FAXC: variants seen among roughly 807,000 people sequenced by gnomAD.
The protein encoded by FAXC is failed axon connections homolog, metaxin like GST domain containing.
FAXC carries 10 observed loss-of-function variants against 41.9 expected under a neutral mutation model. The observed-to-expected ratio is 0.24, with a 90% confidence interval of 0.15 to 0.41. The LOEUF is 0.41. Ranked by LOEUF, FAXC falls within the 10% of genes least tolerant of loss-of-function variation. FAXC has a pLI of 1.00. For synonymous variants in FAXC, 183 were observed against 183.8 expected (o/e 1.00, Z 0.03); for missense variants, 399 against 510.9 (o/e 0.78, Z 2.11).
chr6:99,311,254 G>A (rs1421767643), intron 4 of FAXC, among the ~76,000 whole-genome samples: 1 of 152,124 alleles, frequency 6.6e-6, no homozygotes, highest in African/African-American at 2.4e-5. Flanking sequence ...CTTATAAAAT[G>A]ACTCTACTCT....
intron 4 of FAXC, among the ~76,000 whole-genome samples, chr6:99,301,434 T>C (rs988519147): frequency 2.6e-5 from 4 of 152,208 alleles, no homozygotes; most frequent in Admixed American, 2.0e-4. Flanking sequence ...AAACATCTCA[T>C]GTACCTCATA....
chr6:99,319,193 C>T (rs981993383), intron 4 of FAXC, among the ~76,000 whole-genome samples: 15 of 152,136 alleles, frequency 9.9e-5, no homozygotes, highest in Middle Eastern at 6.8e-3. Context: ...GTCGAGAGAT[C>T]GAGACCATCC....
intron 5 of FAXC, among the ~76,000 whole-genome samples, chr6:99,288,616 AT>A (rs905271484): frequency 2.0e-5 from 3 of 152,218 alleles, no homozygotes; most frequent in African/African-American, 7.2e-5. Context: ...GTTCCAATGT[AT>A]TGCAAAACAA....
At chr6:99,335,539 C>T (rs192208507) in intron 2 of FAXC, among the ~76,000 whole-genome samples, 44 of 152,312 alleles carry the variant, frequency 2.9e-4, no homozygotes, top group African/African-American at 1.0e-3. Context: ...AAGTTTTAGG[C>T]TATCAGCAAA....
chr6:99,324,823 T>C (rs1377419626), intron 3 of FAXC, among the ~76,000 whole-genome samples: 1 of 152,148 alleles, frequency 6.6e-6, no homozygotes, highest in Non-Finnish European at 1.5e-5. Context: ...TAATGAGTAA[T>C]AAAAGATGTA....
chr6:99,315,422 T>C (rs1582656677), intron 4 of FAXC, among the ~76,000 whole-genome samples: 1 of 152,016 alleles, frequency 6.6e-6, no homozygotes, highest in Non-Finnish European at 1.5e-5. Context: ...TTACCTGCAA[T>C]ATCTCCCTCA....
rs1770735669 is a variant in FAXC, at chr6:99,279,213, T to A, written c.*1951A>T. 6.6e-6 allele frequency: 1 copy of A among 152,148 alleles called. No individual in the cohort carries two copies. The highest frequency in any genetic ancestry group is 2.4e-5 in the African/African-American group (1 of 41,434). The allele number at this position is 152,148 out of a possible 1,614,324, so 9.4% of individuals were successfully genotyped here. On this transcript the variant is annotated 3_prime_UTR_variant, in exon 6 of 6. Coordinates refer to ENST00000389677, the MANE Select transcript of FAXC (RefSeq NM_032511.4). The stretch of plus-strand genomic sequence containing the variant: ...AACAGGCTTATCCATTCATATCTTC[T>A]CCACCACATTCTTATTAGGCATCAA...
intron 4 of FAXC, among the ~76,000 whole-genome samples, chr6:99,311,210 C>T (rs980447616): frequency 3.9e-5 from 6 of 152,156 alleles, no homozygotes; most frequent in African/African-American, 1.4e-4. Context: ...TCGAGACAAC[C>T]AATCTCTACT....
chr6:99,281,549 C>T (rs1770837147), intron 5 of FAXC, 96 bp from the exon 6 acceptor site: 2 of 989,636 alleles, frequency 2.0e-6, no homozygotes, highest in African/African-American at 3.2e-5. Context: ...TGTTGAAATC[C>T]TGACTCCCAA....
intron 5 of FAXC, among the ~76,000 whole-genome samples, chr6:99,287,195 T>C (rs866862147): frequency 4.6e-5 from 7 of 152,192 alleles, no homozygotes; most frequent in South Asian, 2.1e-4. Flanking sequence ...GAATATTTCA[T>C]GACAAGGGAA....
At chr6:99,313,843 CA>C (rs1772235835) in intron 4 of FAXC, among the ~76,000 whole-genome samples, 1 of 152,196 alleles carries the variant, frequency 6.6e-6, no homozygotes, top group South Asian at 2.1e-4. Context: ...CTGCCTTTAT[CA>C]TATACTGCAT....
At chr6:99,317,341 A>C (rs1364948537) in intron 4 of FAXC, among the ~76,000 whole-genome samples, 2 of 152,190 alleles carry the variant, frequency 1.3e-5, no homozygotes, top group Non-Finnish European at 1.5e-5. Context: ...AGGATCTCTA[A>C]ATCAGTGATA....
chr6:99,319,692 G>A (rs1283421644), intron 4 of FAXC, among the ~76,000 whole-genome samples: 2 of 152,138 alleles, frequency 1.3e-5, no homozygotes, highest in African/African-American at 4.8e-5. Flanking sequence ...AATGAAGAAC[G>A]AAGGTACACC....
intron 5 of FAXC, among the ~76,000 whole-genome samples, chr6:99,286,391 C>T (rs1478786263): frequency 1.3e-5 from 2 of 152,208 alleles, no homozygotes; most frequent in Admixed American, 1.3e-4. Flanking sequence ...CTGAACACTT[C>T]CCTCCAGATG....
intron 2 of FAXC, among the ~76,000 whole-genome samples, chr6:99,335,186 C>G (rs1324082771): frequency 6.6e-6 from 1 of 152,176 alleles, no homozygotes; most frequent in Non-Finnish European, 1.5e-5. Context: ...ACCCTTTCCC[C>G]TGATAACTTG....
At chr6:99,347,288 G>A (rs993658499) in intron 1 of FAXC, among the ~76,000 whole-genome samples, 2 of 151,792 alleles carry the variant, frequency 1.3e-5, no homozygotes, top group African/African-American at 4.8e-5. Flanking sequence ...TGTAATCCCA[G>A]CTACTCAGGA....
intron 4 of FAXC, among the ~76,000 whole-genome samples, chr6:99,312,337 T>A (rs1032610760): frequency 6.6e-6 from 1 of 152,216 alleles, no homozygotes; most frequent in Non-Finnish European, 1.5e-5. Flanking sequence ...TCCACTGAAC[T>A]CCAACCTGGT....
intron 4 of FAXC, among the ~76,000 whole-genome samples, chr6:99,297,627 C>T (rs1051479797): frequency 2.6e-5 from 4 of 152,114 alleles, no homozygotes; most frequent in Non-Finnish European, 4.4e-5. Context: ...GGCTCTGAGC[C>T]GCCCCCTTGG....
At chr6:99,282,842 G>A (rs914115777) in intron 5 of FAXC, among the ~76,000 whole-genome samples, 3 of 152,042 alleles carry the variant, frequency 2.0e-5, no homozygotes, top group African/African-American at 7.2e-5. Flanking sequence ...ACCAATAATC[G>A]CATTCCCCAT....
Sources: gnomAD v4.1 joint callset for allele counts (sites outside exome capture counted in the v4.1 genomes callset) on GRCh38, gnomAD v4.1.1 for gene constraint, MANE v1.5 for transcripts, NCBI Gene and HGNC (gene_info 2026-07-23, HGNC 2026-07-21) for gene names.